The following LRRIQ1 variants were observed in gnomAD, a reference collection of about 807,000 sequenced individuals.
LRRIQ1 encodes the protein leucine rich repeats and IQ motif containing 1.
In LRRIQ1, 210 loss-of-function variants were observed where a neutral mutation model predicts 211.9. That is an observed-to-expected ratio of 0.99 (90% confidence interval 0.89 to 1.11). LRRIQ1 has a LOEUF of 1.11. Ranked by LOEUF, LRRIQ1 falls within the 50% of genes most tolerant of loss-of-function variation. LRRIQ1 has a pLI of 0.00. For synonymous variants in LRRIQ1, 699 were observed against 650.1 expected (o/e 1.08, Z -1.14); for missense variants, 2,136 against 1,939.5 (o/e 1.10, Z -1.90).
the LRRIQ1 span, among the ~76,000 whole-genome samples, chr12:85,270,772 T>G: frequency 4.6e-5 from 7 of 152,238 alleles, 1 homozygote; most frequent in African/African-American, 1.7e-4. Context: ...ACTCCTACCC[T>G]TGGAGATAAA....
At chr12:85,118,033 G>C (rs377663639) in intron 15 of LRRIQ1, among the ~76,000 whole-genome samples, 46 of 152,108 alleles carry the variant, frequency 3.0e-4, no homozygotes, top group African/African-American at 1.1e-3. Flanking sequence ...ACCTTTCTTT[G>C]TTTTGAAGAA....
intron 11 of LRRIQ1, among the ~76,000 whole-genome samples, chr12:85,081,723 C>T (rs1296540176): frequency 3.5e-5 from 4 of 113,416 alleles, no homozygotes; most frequent in Admixed American, 1.0e-4. Flanking sequence ...TCTTCTTCTT[C>T]TTTTTTTTTT....
At chr12:85,240,803 G>A (rs1046656020) in intron 26 of LRRIQ1, among the ~76,000 whole-genome samples, 9 of 151,948 alleles carry the variant, frequency 5.9e-5, no homozygotes, top group African/African-American at 2.2e-4. Context: ...AGATCCTTAA[G>A]CATCACGTAA....
At chr12:85,126,705 G>A (rs1888391873) in intron 17 of LRRIQ1, among the ~76,000 whole-genome samples, 1 of 151,932 alleles carries the variant, frequency 6.6e-6, no homozygotes, top group Non-Finnish European at 1.5e-5. Flanking sequence ...CCTTCTACTG[G>A]CCTTACATAA....
intron 24 of LRRIQ1, among the ~76,000 whole-genome samples, chr12:85,209,907 C>T (rs1331677066): frequency 6.6e-6 from 1 of 152,034 alleles, no homozygotes; most frequent in African/African-American, 2.4e-5. Context: ...GACTCCAAAG[C>T]CCATGGTATT....
intron 7 of LRRIQ1, among the ~76,000 whole-genome samples, chr12:85,053,064 A>G (rs2135962562): frequency 6.6e-6 from 1 of 152,254 alleles, no homozygotes; most frequent in Admixed American, 6.5e-5. Context: ...TTAGTGGGTG[A>G]ATTTGATTGG....
chr12:85,103,819 T>G (rs1886569216), intron 13 of LRRIQ1, among the ~76,000 whole-genome samples, 185 bp from the exon 14 acceptor site: 1 of 151,540 alleles, frequency 6.6e-6, no homozygotes, highest in African/African-American at 2.4e-5. Context: ...TTACTGCATT[T>G]GTAAAAAGCA....
chr12:85,102,188 A>G (rs1886399551), intron 13 of LRRIQ1, among the ~76,000 whole-genome samples: 1 of 151,646 alleles, frequency 6.6e-6, no homozygotes, highest in Admixed American at 6.6e-5. Context: ...AGGAAATGTC[A>G]TAAAATTGAG....
intron 13 of LRRIQ1, among the ~76,000 whole-genome samples, chr12:85,103,403 A>G (rs2136305891): frequency 6.6e-6 from 1 of 151,806 alleles, no homozygotes; most frequent in East Asian, 1.9e-4. Context: ...CATATTGAGT[A>G]TATTTCCAAT....
At chr12:85,127,775 A>G (rs1888466770) in intron 17 of LRRIQ1, 57 bp from the exon 18 acceptor site, 5 of 1,461,934 alleles carry the variant, frequency 3.4e-6, no homozygotes, top group Non-Finnish European at 3.8e-6. Context: ...TTTTATCTAC[A>G]ACTCTGTATT....
At chr12:85,115,510 T>C (rs535287428) in intron 15 of LRRIQ1, among the ~76,000 whole-genome samples, 3 of 152,314 alleles carry the variant, frequency 2.0e-5, no homozygotes, top group South Asian at 2.1e-4. Flanking sequence ...ACTAAATCAT[T>C]TGGAAACTTT....
intron 24 of LRRIQ1, among the ~76,000 whole-genome samples, chr12:85,209,532 T>C (rs1893733649): frequency 6.6e-6 from 1 of 152,176 alleles, no homozygotes; most frequent in African/African-American, 2.4e-5. Flanking sequence ...GTGTATCTTC[T>C]CTTTATTTTA....
intron 11 of LRRIQ1, among the ~76,000 whole-genome samples, chr12:85,080,606 G>A (rs1465302692): frequency 6.7e-6 from 1 of 149,222 alleles, no homozygotes; most frequent in Non-Finnish European, 1.5e-5. Flanking sequence ...CTAATATAAT[G>A]TTCAATCTAT....
At chr12:85,114,270 C>T (rs566961379) in intron 15 of LRRIQ1, among the ~76,000 whole-genome samples, 7 of 151,942 alleles carry the variant, frequency 4.6e-5, no homozygotes, top group Non-Finnish European at 7.4e-5. Context: ...AGTAACTATA[C>T]GGGCCAAGCC....
At chr12:85,237,588 C>G (rs1225804048) in intron 26 of LRRIQ1, among the ~76,000 whole-genome samples, 2 of 152,010 alleles carry the variant, frequency 1.3e-5, no homozygotes, top group Non-Finnish European at 2.9e-5. Flanking sequence ...AGAGACCAAT[C>G]AAAACCGGGA....
At chr12:85,157,087 A>G (rs974561809) in intron 23 of LRRIQ1, among the ~76,000 whole-genome samples, 11 of 151,944 alleles carry the variant, frequency 7.2e-5, no homozygotes, top group African/African-American at 2.4e-4. Context: ...ATGAAAATAC[A>G]GCAAAAAGCA....
intron 24 of LRRIQ1, among the ~76,000 whole-genome samples, chr12:85,187,436 C>T (rs1305830638): frequency 6.6e-6 from 1 of 152,104 alleles, no homozygotes; most frequent in African/African-American, 2.4e-5. Context: ...TAGCAGAAAA[C>T]CTCTGTTTTC....
At chr12:85,205,285 T>A (rs534993235) in intron 24 of LRRIQ1, among the ~76,000 whole-genome samples, 1 of 152,328 alleles carries the variant, frequency 6.6e-6, no homozygotes, top group South Asian at 2.1e-4. Context: ...ATCAGCAGCA[T>A]GAAAATAGAC....
At chr12:85,250,868 TATATATTATA>T (rs1895899320) in intron 1 of LRRIQ1, among the ~76,000 whole-genome samples, 1 of 104,562 alleles carries the variant, frequency 9.6e-6, no homozygotes, top group Non-Finnish European at 1.8e-5. Flanking sequence ...TATTATAGAT[TATATATTATA>T]TTATATATAA....
Sources: gnomAD v4.1 joint callset for allele counts (sites outside exome capture counted in the v4.1 genomes callset) on GRCh38, gnomAD v4.1.1 for gene constraint, MANE v1.5 for transcripts, NCBI Gene and HGNC (gene_info 2026-07-23, HGNC 2026-07-21) for gene names.